The following DLG2 variants were observed in gnomAD, a reference collection of about 807,000 sequenced individuals.
DLG2 encodes the protein discs large MAGUK scaffold protein 2, also known as disks large homolog 2.
A neutral mutation model predicts 132.5 loss-of-function variants in DLG2; 45 were observed. That is an observed-to-expected ratio of 0.34 (90% CI 0.27 to 0.44). The LOEUF (loss-of-function observed/expected upper bound fraction) is 0.44, where lower values mean the gene tolerates loss of function less well. Ranked by LOEUF, DLG2 falls within the 20% of genes least tolerant of loss-of-function variation. DLG2 has a pLI of 1.00. For synonymous variants in DLG2, 424 were observed against 419.6 expected (o/e 1.01, Z -0.13); for missense variants, 1,045 against 1,196.9 (o/e 0.87, Z 1.87).
At chr11:84,877,093 T>C (rs2086470050) in intron 6 of DLG2, among the ~76,000 whole-genome samples, 1 of 152,088 alleles carries the variant, frequency 6.6e-6, no homozygotes, top group South Asian at 2.1e-4. Context: ...CTGAGAAGTG[T>C]TTTACTTCCA....
intron 6 of DLG2, among the ~76,000 whole-genome samples, chr11:85,080,097 T>C (rs771036957): frequency 6.4e-4 from 97 of 152,112 alleles, no homozygotes; most frequent in Non-Finnish European, 1.6e-4. Context: ...TTTCAACTAA[T>C]TGTATCCCTC....
chr11:83,863,038 A>G (rs2061701054), intron 16 of DLG2, among the ~76,000 whole-genome samples: 2 of 152,172 alleles, frequency 1.3e-5, no homozygotes, highest in Admixed American at 6.5e-5. Context: ...CAGAGATATG[A>G]TCTGTTATAT....
At chr11:85,431,554 C>T (rs1333539442) in intron 3 of DLG2, among the ~76,000 whole-genome samples, 1 of 152,258 alleles carries the variant, frequency 6.6e-6, no homozygotes, top group African/African-American at 2.4e-5. Context: ...ACCACTGCCA[C>T]TGCTGCCTGC....
At chr11:84,280,984 G>T (rs1271449609) in intron 7 of DLG2, among the ~76,000 whole-genome samples, 2 of 146,728 alleles carry the variant, frequency 1.4e-5, no homozygotes, top group Non-Finnish European at 3.0e-5. Flanking sequence ...GCCTCCCAAA[G>T]TGCTGGGATT....
intron 6 of DLG2, among the ~76,000 whole-genome samples, chr11:84,644,641 G>A (rs1171857472): frequency 6.6e-6 from 1 of 150,938 alleles, no homozygotes; most frequent in Admixed American, 6.6e-5. Flanking sequence ...TGGAGGCGCA[G>A]CTTGCAGTGA....
intron 5 of DLG2, among the ~76,000 whole-genome samples, chr11:85,112,483 G>T (rs2072928716): frequency 6.6e-6 from 1 of 151,932 alleles, no homozygotes; most frequent in East Asian, 1.9e-4. Flanking sequence ...AAAAGGGGGG[G>T]AAAGATTTTA....
rs1591014441 is a variant in DLG2, at chr11:83,919,482, A to G, written c.1496+10846T>C. Among the ~76,000 whole-genome samples the G allele has an allele frequency of 2.0e-5, 3 of 152,214 alleles. No homozygotes were observed. The East Asian group carries it at 5.8e-4, about 29-fold the overall frequency. On this transcript the variant is annotated intron_variant, in intron 15 of 27. Transcript: ENST00000376104. ...GGCAGAAGCTGATTAAAATTCATAC[A>G]TATTTGAAATATTCTATCCATAATA...
intron 16 of DLG2, among the ~76,000 whole-genome samples, chr11:83,836,774 G>T (rs2056287622): frequency 6.6e-6 from 1 of 152,110 alleles, no homozygotes; most frequent in Admixed American, 6.5e-5. Context: ...TAAAAGCTTT[G>T]ACTTTTACTC....
chr11:84,778,384 T>C (rs2071083890), intron 6 of DLG2, among the ~76,000 whole-genome samples: 1 of 152,290 alleles, frequency 6.6e-6, no homozygotes, highest in African/African-American at 2.4e-5. Context: ...AATCAGGTAA[T>C]GTGATTCTCT....
chr11:84,863,664 G>A (rs1015916271), intron 6 of DLG2, among the ~76,000 whole-genome samples: 6 of 152,096 alleles, frequency 3.9e-5, no homozygotes, highest in African/African-American at 1.4e-4. Context: ...GAAGAAAAAG[G>A]CAAGGAAGGA....
chr11:85,035,473 G>A (rs182049969), intron 6 of DLG2, among the ~76,000 whole-genome samples: 14 of 152,154 alleles, frequency 9.2e-5, no homozygotes, highest in East Asian at 7.8e-4. Context: ...CTTACATGGC[G>A]GCAGGCGAGA....
chr11:85,132,888 G>C (rs911434689), intron 5 of DLG2: 6 of 456,256 alleles, frequency 1.3e-5, no homozygotes, highest in Non-Finnish European at 2.6e-5. Context: ...CACACAGAAA[G>C]AAGCAGAGCT....
Position 85,067,419 on chromosome 11 carries a change from T to A in DLG2, c.357+44242A>T, listed in dbSNP as rs189200067. ...ATGTGTTTGCACTTGCTTCTCTAGT[T>A]CTTTTAATTGTGATGTTAGGGCGTC... is the stretch of plus-strand genomic sequence containing the variant. On this transcript the variant is annotated intron_variant, in intron 6 of 27. Coordinates refer to ENST00000376104, the MANE Select transcript of DLG2 (RefSeq NM_001142699.3). 1.9e-4 allele frequency among the ~76,000 whole-genome samples: 29 copies of A among 152,062 alleles called. No individual in the cohort carries two copies. The East Asian group carries it at 3.9e-3, about 20-fold the overall frequency.
At chr11:84,643,533 T>A (rs555696643) in intron 6 of DLG2, among the ~76,000 whole-genome samples, 6 of 152,340 alleles carry the variant, frequency 3.9e-5, no homozygotes, top group South Asian at 4.1e-4. Context: ...TCCTGTACAC[T>A]GTAAAATGTT....
intron 10 of DLG2, among the ~76,000 whole-genome samples, chr11:84,080,545 A>G (rs996278380): frequency 2.0e-5 from 3 of 152,212 alleles, no homozygotes; most frequent in Non-Finnish European, 2.9e-5. Context: ...TCTAAAATAC[A>G]TGTTACATTA....
chr11:83,943,230 G>T (rs1377054702), intron 14 of DLG2, among the ~76,000 whole-genome samples: 1 of 152,128 alleles, frequency 6.6e-6, no homozygotes, highest in Non-Finnish European at 1.5e-5. Context: ...ACATCAAGTT[G>T]TACCCCTTAA....
intron 5 of DLG2, among the ~76,000 whole-genome samples, chr11:85,143,639 T>A (rs553525303): frequency 1.3e-5 from 2 of 151,820 alleles, no homozygotes; most frequent in African/African-American, 4.8e-5. Context: ...CATTTTCATT[T>A]GTTTCATAAA....
chr11:84,664,342 A>G (rs1010178774), intron 6 of DLG2, among the ~76,000 whole-genome samples: 2 of 152,210 alleles, frequency 1.3e-5, no homozygotes, highest in African/African-American at 2.4e-5. Flanking sequence ...TAAAATTACA[A>G]ATTATATTTC....
At chr11:83,748,797 T>A (rs2093100372) in intron 18 of DLG2, among the ~76,000 whole-genome samples, 1 of 152,246 alleles carries the variant, frequency 6.6e-6, no homozygotes, top group South Asian at 2.1e-4. Context: ...TGATAATTTT[T>A]CACTTTAGCT....
Sources: allele counts gnomAD v4.1 joint callset (sites outside exome capture counted in the v4.1 genomes callset), GRCh38; gene constraint gnomAD v4.1.1; transcripts MANE v1.5; gene names NCBI Gene and HGNC (gene_info 2026-07-23, HGNC 2026-07-21).